The following GCC2 variants were observed in gnomAD, a reference collection of about 807,000 sequenced individuals.
The protein encoded by GCC2 is GRIP and coiled-coil domain containing 2.
In GCC2, 120 loss-of-function variants were observed where a neutral mutation model predicts 210.6. The observed-to-expected ratio is 0.57, with a 90% CI of 0.49 to 0.66. GCC2 has a LOEUF of 0.66. Among genes scored for constraint, GCC2 ranks in the 30% least tolerant of loss-of-function variants. The probability of loss-of-function intolerance (pLI) is 0.00; values close to 1 mark genes in which losing one functional copy is unlikely to be tolerated. For synonymous variants in GCC2, 703 were observed against 652.7 expected (o/e 1.08, Z -1.17); for missense variants, 1,868 against 1,871.9 (o/e 1.00, Z 0.04).
At chr2:108,478,070 G>C (rs1480446514) in intron 9 of GCC2, among the ~76,000 whole-genome samples, 1 of 151,952 alleles carries the variant, frequency 6.6e-6, no homozygotes, top group Non-Finnish European at 1.5e-5. Context: ...ATTTGAAATT[G>C]ATATGCCTGG....
chr2:108,452,691 CTTTT>C (rs34444254), intron 4 of GCC2, among the ~76,000 whole-genome samples: 1,388 of 99,422 alleles, frequency 0.014, 7 homozygotes, highest in Non-Finnish European at 0.02. Context: ...TTTTTTCTTT[CTTTT>C]TTTTTTTTTT....
At chr2:108,469,563 ACTT>A (rs1380178546) in intron 5 of GCC2, 85 bp from the exon 6 acceptor site, 2 of 846,634 alleles carry the variant, frequency 2.4e-6, no homozygotes, top group Non-Finnish European at 3.7e-6. Context: ...TTTTCTCTCT[ACTT>A]AGCTTGTGGC....
chr2:108,466,289 C>T (rs1232138555), intron 4 of GCC2, among the ~76,000 whole-genome samples: 1 of 152,130 alleles, frequency 6.6e-6, no homozygotes, highest in African/African-American at 2.4e-5. Flanking sequence ...GACCCGCCCA[C>T]CTCAGCCTCC....
intron 9 of GCC2, among the ~76,000 whole-genome samples, chr2:108,478,317 C>T (rs1488887023): frequency 3.8e-4 from 57 of 151,966 alleles, no homozygotes; most frequent in Non-Finnish European, 1.5e-5. Flanking sequence ...AAAAATGTGA[C>T]AGGATTTAAG....
At chr2:108,473,381 C>T (rs1264886368) in intron 7 of GCC2, 1 of 150,964 alleles carries the variant, frequency 6.6e-6, no homozygotes, top group African/African-American at 2.4e-5. Flanking sequence ...AAATTTTACA[C>T]AGGAAGAAAG....
chr2:108,471,171 TAAG>T lies in GCC2; in HGVS notation c.1845_1847del (p.Lys616del). On this transcript the variant is annotated inframe_deletion, in exon 6 of 23. Transcript: ENST00000309863. ...CCCATGAAGAAATGGATAATTTCCATAAGAAATGTGAAAGGGAAGAAAGATTGA... is the reference window on the plus strand; with the variant it reads ...CCCATGAAGAAATGGATAATTTCCATAAATGTGAAAGGGAAGAAAGATTGA... The T allele has an allele frequency of 6.3e-7, 1 of 1,599,718 alleles. No homozygotes were observed. Among genetic ancestry groups the T allele is most frequent in the Non-Finnish European group, 8.5e-7 (1 of 1,171,354 alleles).
chr2:108,494,198 T>A (rs1682534438), intron 19 of GCC2: 1 of 160,834 alleles, frequency 6.2e-6, no homozygotes, highest in African/African-American at 2.4e-5. Flanking sequence ...CATGGTGAAA[T>A]CCCATCTCTA....
chr2:108,492,798 T>G lies in GCC2; in HGVS notation c.4447+8T>G. 5.1e-6 allele frequency: 8 copies of G among 1,563,274 alleles called. No homozygotes were observed. The highest frequency in any genetic ancestry group is 6.2e-6 in the Non-Finnish European group (7 of 1,133,564). On this transcript the variant is annotated splice_region_variant and intron_variant, in intron 19 of 22. Coordinates refer to ENST00000309863, the MANE Select transcript of GCC2 (RefSeq NM_181453.4). ...ATGAACCGACCACAAGAAGTATGTA[T>G]GTACACATGGAAATATTAGTTGTTC... is the stretch of plus-strand genomic sequence containing the variant.
At chr2:108,504,770 C>A (rs527851203) in intron 22 of GCC2, among the ~76,000 whole-genome samples, 1 of 152,266 alleles carries the variant, frequency 6.6e-6, no homozygotes, top group South Asian at 2.1e-4. Context: ...TTTTCTATAT[C>A]TTCTTTGCTC....
In GCC2 at chr2:108,451,105, G is replaced by A. The variant is rs769852533; in HGVS notation, c.141G>A (p.Arg47=). 15 of 1,595,202 alleles carry A rather than the reference G, an allele frequency of 9.4e-6. No homozygotes were observed. The highest frequency in any genetic ancestry group is 1.7e-5 in the Admixed American group (1 of 59,884). ...QMMLIQKAKS[R]CTELEKEIEE... ...TGCTAATACAGAAAGCTAAATCAAG[G>A]TGTACAGGTATTGGGTTGAAAATAC... The change falls in exon 3 of 23, where the codon AGG becomes AGA. Residue 47 remains arginine (R), a synonymous_variant. Coordinates refer to ENST00000309863, the MANE Select transcript of GCC2 (RefSeq NM_181453.4).
chr2:108,492,691 T>C lies in GCC2; in HGVS notation c.4348T>C (p.Leu1450=), dbSNP rs1253949910. ...RNSFRDQVRH[L]QEEHRKTVET... ...TAGCTTCCGAGATCAAGTGCGACAT[T>C]TGCAGGAAGAACACAGAAAGACAGT... The change falls in exon 19 of 23, where the codon TTG becomes CTG. Residue 1450 remains leucine (L), a synonymous_variant. Transcript: ENST00000309863. The C allele has an allele frequency of 7.4e-6, 12 of 1,613,950 alleles. No homozygotes were observed. The highest frequency in any genetic ancestry group is 1.0e-5 in the Non-Finnish European group (12 of 1,179,848).
chr2:108,458,441 A>G (rs1372741410), intron 4 of GCC2, among the ~76,000 whole-genome samples: 1 of 134,516 alleles, frequency 7.4e-6, no homozygotes, highest in Admixed American at 8.1e-5. Context: ...CCAGCTTTCT[A>G]GAATGAGTTA....
chr2:108,465,924 G>A lies in GCC2; in HGVS notation c.217-3056G>A, dbSNP rs543133318. ...GGCCGGGGTGCAGTGGCACAATCTCGGCTCACCGCAACCTCTGCTTCCCAG... is the reference window on the plus strand; with the variant it reads ...GGCCGGGGTGCAGTGGCACAATCTCAGCTCACCGCAACCTCTGCTTCCCAG... On this transcript the variant is annotated intron_variant, in intron 4 of 22. Transcript: ENST00000309863. Among the ~76,000 whole-genome samples the A allele has an allele frequency of 2.6e-5, 4 of 152,080 alleles. No individual in the cohort carries two copies. The East Asian group carries it at 7.7e-4, about 29-fold the overall frequency.
At chr2:108,449,985 G>C in intron 2 of GCC2, 2 of 334,636 alleles carry the variant, frequency 6.0e-6, no homozygotes, top group Non-Finnish European at 1.1e-5. Context: ...GGAAGGAGCA[G>C]TGACATAGGG....
chr2:108,491,700 C>CT lies in GCC2; in HGVS notation c.4230-872dup, dbSNP rs1447171585. 3.3e-5 allele frequency among the ~76,000 whole-genome samples: 5 copies of CT among 152,158 alleles called. 1 individual carries two copies. In the East Asian group the frequency reaches 5.8e-4, roughly 18 times the overall value. ...TAATAAGGGGCTTTTACTTTTTTCT[C>CT]TGACGGCTTTTGTATTTTTTAAATT... On this transcript the variant is annotated intron_variant, in intron 18 of 22. Coordinates refer to ENST00000309863, the MANE Select transcript of GCC2 (RefSeq NM_181453.4).
Position 108,484,219 on chromosome 2 carries a change from AAAAG to A in GCC2, c.3522_3525del (p.Gln1174HisfsTer2). On this transcript the variant is annotated frameshift_variant, in exon 13 of 23. Coordinates refer to ENST00000309863, the MANE Select transcript of GCC2 (RefSeq NM_181453.4). LOFTEE classifies it high-confidence loss of function. ...GAACGTTTGATGAAAGAACTAAATCAAAAGTTAACTAATAAAAACAACAAGATAG... is the reference window on the plus strand; with the variant it reads ...GAACGTTTGATGAAAGAACTAAATCATTAACTAATAAAAACAACAAGATAG... 2 of 1,588,088 alleles carry A rather than the reference AAAAG, an allele frequency of 1.3e-6. No individual in the cohort carries two copies. Among genetic ancestry groups the A allele is most frequent in the Non-Finnish European group, 1.7e-6 (2 of 1,167,022 alleles).
intron 4 of GCC2, among the ~76,000 whole-genome samples, chr2:108,459,210 T>C (rs1381836040): frequency 1.3e-5 from 2 of 152,222 alleles, no homozygotes; most frequent in Non-Finnish European, 2.9e-5. Context: ...CAAGAAATTT[T>C]TTGATTTTCA....
chr2:108,502,631 A>T (rs4146089), intron 22 of GCC2, among the ~76,000 whole-genome samples: 11 of 144,620 alleles, frequency 7.6e-5, no homozygotes, highest in Non-Finnish European at 1.5e-4. Flanking sequence ...ATTCTCTCTT[A>T]AAGAGAGAGA....
At position 108,471,532 on chromosome 2, in the gene GCC2, G is replaced by T; in HGVS notation, c.2203G>T (p.Val735Phe). The change falls in exon 6 of 23, where the codon GTT (valine) becomes TTT (phenylalanine). Residue 735 changes from valine (V) to phenylalanine (F), a missense_variant. Physicochemically the swap from Val to Phe is conservative, Grantham distance 50. This residue lies in a region of GCC2 where 1,847 missense variants were observed against 1,765.2 expected (regional missense o/e 1.05). Coordinates refer to ENST00000309863, the MANE Select transcript of GCC2 (RefSeq NM_181453.4). Reference sequence around the variant, plus strand: ...ATTAGAAAAGAAACTTCAGTTAATGGTTGAAGAGCAAGATAATTTAAATAA... The same window carrying T: ...ATTAGAAAAGAAACTTCAGTTAATGTTTGAAGAGCAAGATAATTTAAATAA... ...TQLEKKLQLM[V>F]EEQDNLNKLL... 1 of 1,605,876 alleles carries T rather than the reference G, an allele frequency of 6.2e-7. No homozygotes were observed. The highest frequency in any genetic ancestry group is 8.5e-7 in the Non-Finnish European group (1 of 1,176,510).
Sources: allele counts gnomAD v4.1 joint callset (sites outside exome capture counted in the v4.1 genomes callset), GRCh38; gene constraint gnomAD v4.1.1; regional missense constraint gnomAD v4.1.1; transcripts MANE v1.5; gene names NCBI Gene and HGNC (gene_info 2026-07-23, HGNC 2026-07-21).